The following LIMS1 variants were observed in gnomAD, a reference collection of about 807,000 sequenced individuals.
The protein encoded by LIMS1 is LIM and senescent cell antigen-like-containing domain protein 1.
Under a neutral mutation model 44.1 loss-of-function variants are expected in LIMS1, and 18 were observed. That is an observed-to-expected ratio of 0.41 (90% CI 0.28 to 0.61). The LOEUF is 0.61. Among genes scored for constraint, LIMS1 ranks in the 20% least tolerant of loss-of-function variants. The pLI is 0.32. For missense variants in LIMS1, 201 were observed against 422.0 expected (o/e 0.48, Z 4.59); for synonymous variants, 93 against 149.1 (o/e 0.62, Z 2.74).
intron 1 of LIMS1, among the ~76,000 whole-genome samples, chr2:108,551,349 T>G (rs1684684403): frequency 6.8e-6 from 1 of 147,082 alleles, no homozygotes; most frequent in Non-Finnish European, 1.5e-5. Context: ...TATAAATATA[T>G]AATGTATTAT....
chr2:108,602,531 T>G (rs1687070029), intron 1 of LIMS1, among the ~76,000 whole-genome samples: 1 of 152,244 alleles, frequency 6.6e-6, no homozygotes, highest in Non-Finnish European at 1.5e-5. Context: ...AATGCTTTTT[T>G]AGCATCAGTT....
intron 1 of LIMS1, among the ~76,000 whole-genome samples, chr2:108,596,813 T>C (rs1026213424): frequency 1.4e-5 from 2 of 148,028 alleles, no homozygotes; most frequent in Admixed American, 1.4e-4. Context: ...AGAGCAAAAC[T>C]CCGTCTCAAA....
chr2:108,575,659 C>T (rs1009033319), intron 1 of LIMS1, among the ~76,000 whole-genome samples: 1 of 152,180 alleles, frequency 6.6e-6, no homozygotes, highest in African/African-American at 2.4e-5. Flanking sequence ...GCAGGGTTTG[C>T]TGCAGCCCAC....
chr2:108,568,399 T>C (rs1428049310), intron 1 of LIMS1, among the ~76,000 whole-genome samples: 2 of 152,350 alleles, frequency 1.3e-5, no homozygotes, highest in African/African-American at 2.4e-5. Context: ...TCTACTGTTA[T>C]GTATACCACA....
In LIMS1 at chr2:108,559,476, C is replaced by G. The variant is rs77422500; in HGVS notation, c.32+24882C>G. 5.0e-3 allele frequency among the ~76,000 whole-genome samples: 765 copies of G among 152,202 alleles called. 6 individuals are homozygous for G. Among genetic ancestry groups the G allele is most frequent in the African/African-American group, 0.017 (726 of 41,534 alleles). On this transcript the variant is annotated intron_variant, in intron 1 of 9. Transcript: ENST00000544547. The stretch of plus-strand genomic sequence containing the variant: ...GAAAATAAGACTTTCTCATTGCGGT[C>G]TTATAATCAACTCTCTTAATTTTTA...
At chr2:108,549,103 A>AAT (rs997764491) in intron 1 of LIMS1, among the ~76,000 whole-genome samples, 23 of 152,136 alleles carry the variant, frequency 1.5e-4, no homozygotes, top group Admixed American at 1.1e-3. Flanking sequence ...CCATTCAGTG[A>AAT]ATACTTGTCA....
chr2:108,609,865 G>T (rs149843847), intron 1 of LIMS1, among the ~76,000 whole-genome samples: 1 of 151,948 alleles, frequency 6.6e-6, no homozygotes, highest in Non-Finnish European at 1.5e-5. Flanking sequence ...TTTATTGGCC[G>T]GGCGCGGTGG....
chr2:108,645,564 G>T (rs948109236), intron 1 of LIMS1, among the ~76,000 whole-genome samples: 2 of 152,164 alleles, frequency 1.3e-5, no homozygotes, highest in East Asian at 1.9e-4. Context: ...GACTATCAAT[G>T]CTGTGAAGAA....
intron 1 of LIMS1, among the ~76,000 whole-genome samples, chr2:108,645,011 G>A (rs1393017376): frequency 1.3e-5 from 2 of 152,054 alleles, no homozygotes; most frequent in Non-Finnish European, 2.9e-5. Context: ...GAAAAGACCA[G>A]ATCTTTGTTT....
chr2:108,543,836 A>G (rs1684393979), intron 1 of LIMS1, among the ~76,000 whole-genome samples: 1 of 152,202 alleles, frequency 6.6e-6, no homozygotes, highest in Non-Finnish European at 1.5e-5. Flanking sequence ...TTGCAGAAAT[A>G]AAAACTCTCT....
intron 9 of LIMS1, among the ~76,000 whole-genome samples, chr2:108,682,474 T>A (rs2149026679): frequency 6.6e-6 from 1 of 152,270 alleles, no homozygotes; most frequent in Middle Eastern, 3.4e-3. Context: ...CATTCCACCC[T>A]GGGCGACAGA....
rs199732746 is a variant in LIMS1, at chr2:108,651,664, TG to T, written c.33-7940del. Among the ~76,000 whole-genome samples the T allele has an allele frequency of 9.1e-3, 1,382 of 152,034 alleles. 13 individuals are homozygous for T. Among genetic ancestry groups the T allele is most frequent in the African/African-American group, 0.032 (1,321 of 41,446 alleles). ...CCACCCTCATTAAAATAGTCACAGA[TG>T]TAAGTAGAGGAAACCAGATAAAAGG... On this transcript the variant is annotated intron_variant, in intron 1 of 9. Coordinates refer to ENST00000544547, the Ensembl canonical transcript of LIMS1.
chr2:108,592,720 G>A (rs912625761), intron 1 of LIMS1, among the ~76,000 whole-genome samples: 8 of 151,932 alleles, frequency 5.3e-5, no homozygotes, highest in South Asian at 2.1e-4. Flanking sequence ...AAAGACCTTG[G>A]GTTTAAATTT....
chr2:108,555,575 G>A (rs1684899144), intron 1 of LIMS1, among the ~76,000 whole-genome samples: 1 of 152,240 alleles, frequency 6.6e-6, no homozygotes, highest in African/African-American at 2.4e-5. Flanking sequence ...CTGTGTGCGT[G>A]GTCCTCTTGT....
intron 1 of LIMS1, among the ~76,000 whole-genome samples, chr2:108,591,995 A>G (rs1176420984): frequency 6.6e-6 from 1 of 151,864 alleles, no homozygotes; most frequent in Non-Finnish European, 1.5e-5. Flanking sequence ...AAGTTTCACC[A>G]TATTGGCCAG....
At chr2:108,596,596 G>A (rs1310582977) in intron 1 of LIMS1, among the ~76,000 whole-genome samples, 17 of 152,290 alleles carry the variant, frequency 1.1e-4, no homozygotes, top group African/African-American at 4.1e-4. Context: ...GGCCAAGATG[G>A]GCAGATCACC....
chr2:108,559,234 T>C (rs972501245), intron 1 of LIMS1, among the ~76,000 whole-genome samples: 1 of 152,204 alleles, frequency 6.6e-6, no homozygotes, highest in Non-Finnish European at 1.5e-5. Context: ...TTGACATCCA[T>C]GGATGTGAGA....
At chr2:108,640,467 CT>C (rs978644676) in intron 1 of LIMS1, among the ~76,000 whole-genome samples, 12 of 152,196 alleles carry the variant, frequency 7.9e-5, no homozygotes, top group Non-Finnish European at 1.5e-4. Context: ...CCACACAGTG[CT>C]TTCAGACCTG....
At chr2:108,652,953 A>G (rs921012826) in intron 1 of LIMS1, among the ~76,000 whole-genome samples, 13 of 152,188 alleles carry the variant, frequency 8.5e-5, no homozygotes, top group African/African-American at 2.9e-4. Context: ...AAATATAGAT[A>G]AATTGAAAGG....
Sources: gnomAD v4.1 joint callset for allele counts (sites outside exome capture counted in the v4.1 genomes callset) on GRCh38, gnomAD v4.1.1 for gene constraint, MANE v1.5 for transcripts, NCBI Gene and HGNC (gene_info 2026-07-23, HGNC 2026-07-21) for gene names.